The following GPATCH2 variants were observed in gnomAD, a reference collection of about 807,000 sequenced individuals.
The protein encoded by GPATCH2 is G patch domain-containing protein 2.
GPATCH2 carries 51 observed loss-of-function variants against 58.0 expected under a neutral mutation model. The ratio of observed to expected loss-of-function variants is 0.88; its 90% confidence interval spans 0.70 to 1.11. The LOEUF is 1.11. Among genes scored for constraint, GPATCH2 ranks in the 50% most tolerant of loss-of-function variants. The pLI is 0.00. For missense variants in GPATCH2, 625 were observed against 652.2 expected (o/e 0.96, Z 0.45); for synonymous variants, 222 against 218.5 (o/e 1.02, Z -0.14).
intron 5 of GPATCH2, among the ~76,000 whole-genome samples, chr1:217,607,657 C>G (rs1194543750): frequency 6.6e-6 from 1 of 152,174 alleles, no homozygotes; most frequent in Non-Finnish European, 1.5e-5. Context: ...TTCCAGGAAC[C>G]TAACCCTGTC....
chr1:217,473,652 G>GT (rs1269235212), intron 8 of GPATCH2, among the ~76,000 whole-genome samples: 3 of 151,240 alleles, frequency 2.0e-5, no homozygotes, highest in Non-Finnish European at 4.4e-5. Flanking sequence ...AAGAAAGGAT[G>GT]TAAAAAAAAA....
At chr1:217,432,570 A>G (rs1658594181) in intron 9 of GPATCH2, among the ~76,000 whole-genome samples, 1 of 152,116 alleles carries the variant, frequency 6.6e-6, no homozygotes, top group African/African-American at 2.4e-5. Context: ...TGACTGGTTC[A>G]TTTCTGTTCC....
At chr1:217,509,908 TAA>T (rs1266044342) in intron 6 of GPATCH2, among the ~76,000 whole-genome samples, 1 of 151,850 alleles carries the variant, frequency 6.6e-6, no homozygotes, top group African/African-American at 2.4e-5. Flanking sequence ...AAGGAAAAAA[TAA>T]GAGAGATAGA....
chr1:217,627,833 T>C (rs1412823078), intron 1 of GPATCH2, among the ~76,000 whole-genome samples: 1 of 152,090 alleles, frequency 6.6e-6, no homozygotes, highest in Non-Finnish European at 1.5e-5. Context: ...AATGACTTCA[T>C]GAGTCATTCA....
At chr1:217,510,317 A>G (rs958865829) in intron 6 of GPATCH2, among the ~76,000 whole-genome samples, 1 of 152,060 alleles carries the variant, frequency 6.6e-6, no homozygotes, top group Non-Finnish European at 1.5e-5. Flanking sequence ...ACTCTTTGAA[A>G]TATATACATT....
intron 5 of GPATCH2, among the ~76,000 whole-genome samples, chr1:217,544,738 A>G (rs548526782): frequency 1.3e-5 from 2 of 152,226 alleles, no homozygotes; most frequent in African/African-American, 4.8e-5. Context: ...GTCCATTCAA[A>G]CCTTTTCATC....
intron 8 of GPATCH2, among the ~76,000 whole-genome samples, chr1:217,467,228 T>C (rs1239736096): frequency 2.0e-5 from 3 of 152,290 alleles, no homozygotes; most frequent in African/African-American, 2.4e-5. Context: ...GGGAACCAGG[T>C]AGAAGCGAGA....
chr1:217,535,075 A>G (rs993407238), intron 5 of GPATCH2, among the ~76,000 whole-genome samples: 5 of 152,190 alleles, frequency 3.3e-5, no homozygotes, highest in Non-Finnish European at 7.3e-5. Context: ...TAAGGACCCA[A>G]TAATGCTAGT....
At chr1:217,537,572 T>C (rs533837759) in intron 5 of GPATCH2, among the ~76,000 whole-genome samples, 31 of 152,262 alleles carry the variant, frequency 2.0e-4, no homozygotes, top group African/African-American at 7.5e-4. Flanking sequence ...CTCAAAATAT[T>C]AAAATATGAG....
intron 6 of GPATCH2, among the ~76,000 whole-genome samples, chr1:217,506,256 A>G (rs1662555438): frequency 6.6e-6 from 1 of 152,184 alleles, no homozygotes; most frequent in African/African-American, 2.4e-5. Context: ...CACTAAATAT[A>G]TGAATTAACT....
Position 217,572,787 on chromosome 1 carries a change from C to T in GPATCH2, c.1098+37534G>A, listed in dbSNP as rs562014467. ...TCTAAGATGAGGCCAGTTGTTGAGACGAGTATATGACTTCCCAAATAACTG... is the reference window on the plus strand; with the variant it reads ...TCTAAGATGAGGCCAGTTGTTGAGATGAGTATATGACTTCCCAAATAACTG... On this transcript the variant is annotated intron_variant, in intron 5 of 9. Coordinates refer to ENST00000366935, the MANE Select transcript of GPATCH2 (RefSeq NM_018040.5). Among the ~76,000 whole-genome samples, 28 of 152,270 alleles carry T rather than the reference C, an allele frequency of 1.8e-4. 2 individuals carry two copies. In the South Asian group the frequency reaches 3.9e-3, roughly 21 times the overall value.
chr1:217,438,714 A>C (rs1291097439), intron 9 of GPATCH2, among the ~76,000 whole-genome samples: 1 of 152,192 alleles, frequency 6.6e-6, no homozygotes, highest in Non-Finnish European at 1.5e-5. Flanking sequence ...ATATGGGACC[A>C]TGTGAAAAGA....
chr1:217,511,078 C>G (rs1317796952), intron 6 of GPATCH2, among the ~76,000 whole-genome samples: 1 of 151,930 alleles, frequency 6.6e-6, no homozygotes, highest in Non-Finnish European at 1.5e-5. Flanking sequence ...GCCTGGGTGA[C>G]AGAGTGAGAA....
intron 5 of GPATCH2, among the ~76,000 whole-genome samples, chr1:217,572,218 A>T (rs965520646): frequency 2.0e-5 from 3 of 152,162 alleles, no homozygotes; most frequent in African/African-American, 7.2e-5. Flanking sequence ...CTAGTAGAAG[A>T]ATTAGAACTT....
In GPATCH2 at chr1:217,430,968, T is replaced by C; in HGVS notation, c.*177A>G. 4 of 604,050 alleles carry C rather than the reference T, an allele frequency of 6.6e-6. No individual in the cohort carries two copies. In the South Asian group the frequency reaches 8.2e-5, roughly 12 times the overall value. 37.4% of individuals were successfully genotyped at this position (604,050 alleles called of 1,614,324 possible). A position where few individuals can be genotyped will look rare whatever the true frequency, so the allele number is the denominator to read the frequency against. On this transcript the variant is annotated 3_prime_UTR_variant, in exon 10 of 10. Coordinates refer to ENST00000366935, the MANE Select transcript of GPATCH2 (RefSeq NM_018040.5). The stretch of plus-strand genomic sequence containing the variant: ...TGCAGAGGTTTTCATTTTAGCACCA[T>C]GAATTGTGATGAAATCCCATTTCTC...
intron 8 of GPATCH2, among the ~76,000 whole-genome samples, chr1:217,456,594 T>C (rs1226114118): frequency 5.9e-5 from 9 of 152,174 alleles, no homozygotes; most frequent in Non-Finnish European, 2.9e-5. Flanking sequence ...GGTGGGAGCC[T>C]TCAGAAGAGC....
intron 7 of GPATCH2, among the ~76,000 whole-genome samples, chr1:217,494,743 CA>C (rs954117756): frequency 1.1e-4 from 15 of 142,248 alleles, no homozygotes; most frequent in East Asian, 2.1e-4. Flanking sequence ...GACTCTGTCT[CA>C]AAAAAAAAAG....
At chr1:217,620,937 G>T (rs189516040) in intron 1 of GPATCH2, among the ~76,000 whole-genome samples, 23 of 152,212 alleles carry the variant, frequency 1.5e-4, no homozygotes, top group Admixed American at 5.9e-4. Flanking sequence ...TATTCACCAC[G>T]TGCCCTAACC....
At chr1:217,628,432 T>C (rs112267975) in intron 1 of GPATCH2, among the ~76,000 whole-genome samples, 635 of 152,202 alleles carry the variant, frequency 4.2e-3, no homozygotes, top group Non-Finnish European at 6.4e-3. Flanking sequence ...AAAATCATAC[T>C]GTTTATTGCT....
Sources: gnomAD v4.1 joint callset for allele counts (sites outside exome capture counted in the v4.1 genomes callset) on GRCh38, gnomAD v4.1.1 for gene constraint, MANE v1.5 for transcripts, NCBI Gene and HGNC (gene_info 2026-07-23, HGNC 2026-07-21) for gene names.